The following IQSEC1 variants were observed in gnomAD, a reference collection of about 807,000 sequenced individuals.
The protein encoded by IQSEC1 is IQ motif and SEC7 domain-containing protein 1.
IQSEC1 carries 31 observed loss-of-function variants against 91.0 expected under a neutral mutation model. The ratio of observed to expected loss-of-function variants is 0.34; its 90% CI spans 0.26 to 0.46. IQSEC1 has a LOEUF of 0.46. Among genes scored for constraint, IQSEC1 ranks in the 20% least tolerant of loss-of-function variants. The pLI is 1.00. For synonymous variants in IQSEC1, 699 were observed against 662.6 expected (o/e 1.05, Z -0.84); for missense variants, 1,388 against 1,575.6 (o/e 0.88, Z 2.02).
At chr3:12,928,154 G>A (rs1397405626) in intron 3 of IQSEC1, among the ~76,000 whole-genome samples, 1 of 152,078 alleles carries the variant, frequency 6.6e-6, no homozygotes, top group Non-Finnish European at 1.5e-5. Flanking sequence ...TGCTGCAGCA[G>A]AGGTGGGAGG....
At chr3:13,049,843 A>T (rs570400567) in intron 1 of IQSEC1, among the ~76,000 whole-genome samples, 13 of 152,282 alleles carry the variant, frequency 8.5e-5, no homozygotes, top group African/African-American at 2.4e-4. Context: ...CACACCCTAC[A>T]TGCTGTGGTA....
chr3:12,943,987 A>G (rs575152678), intron 1 of IQSEC1, among the ~76,000 whole-genome samples: 3 of 152,278 alleles, frequency 2.0e-5, no homozygotes, highest in African/African-American at 7.2e-5. Flanking sequence ...GCCATGACAG[A>G]GGCGTCTTCC....
At chr3:12,963,003 C>T (rs1248836792) in intron 1 of IQSEC1, among the ~76,000 whole-genome samples, 2 of 152,202 alleles carry the variant, frequency 1.3e-5, no homozygotes, top group Non-Finnish European at 2.9e-5. Context: ...TATTTAATCC[C>T]AGAGGAAGCA....
chr3:12,967,045 C>A lies in IQSEC1; in HGVS notation c.24-25180G>T, dbSNP rs1319136765. Among the ~76,000 whole-genome samples the A allele has an allele frequency of 6.6e-6, 1 of 151,964 alleles. No homozygotes were observed. The highest frequency in any genetic ancestry group is 2.4e-5 in the African/African-American group (1 of 41,366). On this transcript the variant is annotated intron_variant, in intron 1 of 13. Coordinates refer to ENST00000613206, the MANE Select transcript of IQSEC1 (RefSeq NM_001134382.3). This position sits in a 1 kb window ranked among gnomAD's most constrained non-coding sequence, Gnocchi z 5.9. ...ACACCGAGTCCCACTGTTTCCCTCTCAAGCCCCCAAACTCAAACTCACCCC... is the reference window on the plus strand; with the variant it reads ...ACACCGAGTCCCACTGTTTCCCTCTAAAGCCCCCAAACTCAAACTCACCCC...
intron 13 of IQSEC1, among the ~76,000 whole-genome samples, chr3:12,902,321 G>A (rs769352899): frequency 6.6e-6 from 1 of 152,090 alleles, no homozygotes; most frequent in African/African-American, 2.4e-5. Context: ...AGAAGAAAGC[G>A]ATGAGGATGG....
chr3:13,012,531 T>C (rs1277716236), intron 1 of IQSEC1, among the ~76,000 whole-genome samples: 2 of 152,174 alleles, frequency 1.3e-5, no homozygotes, highest in African/African-American at 4.8e-5. Context: ...ACAGAAACGA[T>C]GTGTTGCTCA....
intron 2 of IQSEC1, among the ~76,000 whole-genome samples, chr3:13,136,778 C>T (rs150129627): frequency 6.6e-6 from 1 of 152,318 alleles, no homozygotes; most frequent in Non-Finnish European, 1.5e-5. Flanking sequence ...GGTTTGACTG[C>T]ATGTAGATCG....
chr3:13,098,355 A>G (rs1390496445), intron 2 of IQSEC1, among the ~76,000 whole-genome samples: 2 of 152,170 alleles, frequency 1.3e-5, no homozygotes, highest in African/African-American at 4.8e-5. Context: ...TAGCATTGGG[A>G]AGGTACCACA....
chr3:12,925,405 G>A (rs1237984460), intron 3 of IQSEC1, among the ~76,000 whole-genome samples: 10 of 152,242 alleles, frequency 6.6e-5, no homozygotes, highest in African/African-American at 2.4e-4. Flanking sequence ...GTGCTCAGGA[G>A]CCCAGACTCG....
At chr3:13,100,306 C>T (rs1238271242) in intron 2 of IQSEC1, among the ~76,000 whole-genome samples, 5 of 148,604 alleles carry the variant, frequency 3.4e-5, no homozygotes, top group African/African-American at 1.3e-4. Context: ...ACTCTTCCTA[C>T]ATCTAGGCCT....
chr3:12,995,715 C>T (rs1702200787), intron 1 of IQSEC1, among the ~76,000 whole-genome samples: 1 of 152,152 alleles, frequency 6.6e-6, no homozygotes, highest in African/African-American at 2.4e-5. Flanking sequence ...AAGGAACGGC[C>T]CAGCTCCTGG....
chr3:12,923,510 G>C (rs767570093), intron 4 of IQSEC1, among the ~76,000 whole-genome samples: 1 of 152,218 alleles, frequency 6.6e-6, no homozygotes, highest in Non-Finnish European at 1.5e-5. Context: ...TATTCTGCTG[G>C]TGCCTGCCAT....
chr3:13,027,618 G>A (rs1052638672), intron 1 of IQSEC1, among the ~76,000 whole-genome samples: 1 of 152,194 alleles, frequency 6.6e-6, no homozygotes, highest in Non-Finnish European at 1.5e-5. Flanking sequence ...GGAGGTGAGA[G>A]AGAAAAGAGG....
At chr3:13,167,207 C>T (rs1693513819) in intron 1 of IQSEC1, among the ~76,000 whole-genome samples, 2 of 152,152 alleles carry the variant, frequency 1.3e-5, no homozygotes, top group African/African-American at 4.8e-5. Context: ...AGGATGATCC[C>T]CGATGCTTTT....
chr3:13,275,157 C>G (rs755906779), intron 1 of IQSEC1, among the ~76,000 whole-genome samples: 9 of 152,194 alleles, frequency 5.9e-5, no homozygotes, highest in Non-Finnish European at 7.3e-5. Flanking sequence ...GTTAGAGCAT[C>G]AACAGAGACA....
intron 1 of IQSEC1, chr3:13,047,530 G>A (rs1704545981): frequency 4.1e-6 from 4 of 985,014 alleles, no homozygotes; most frequent in Non-Finnish European, 4.8e-6. Flanking sequence ...CTCCTGAGGT[G>A]GCAAAAGCGA....
chr3:13,134,239 G>A (rs559836400), intron 2 of IQSEC1, among the ~76,000 whole-genome samples: 2 of 152,348 alleles, frequency 1.3e-5, no homozygotes, highest in East Asian at 3.9e-4. Flanking sequence ...GATATGCAGG[G>A]GCTGCAGGGC....
rs376743629 is a variant in IQSEC1, at chr3:13,211,884, G to A, written c.273-47751C>T. Among the ~76,000 whole-genome samples the A allele has an allele frequency of 2.6e-5, 4 of 152,196 alleles. No individual in the cohort carries two copies. The highest frequency in any genetic ancestry group is 6.5e-5 in the Admixed American group (1 of 15,278). ...GGCACAGTCCCTCCACGCTGGTTTC[G>A]TGTCCACAGAACCTTTCCGTGGCCA... On this transcript the variant is annotated intron_variant, in intron 1 of 15. Coordinates refer to the IQSEC1 transcript ENST00000648114. The surrounding 1 kb of genome is among the most constrained non-coding windows in gnomAD (Gnocchi z 5.3).
chr3:13,260,711 G>A (rs1213793136), intron 1 of IQSEC1, among the ~76,000 whole-genome samples: 1 of 152,202 alleles, frequency 6.6e-6, no homozygotes, highest in Non-Finnish European at 1.5e-5. Flanking sequence ...AGACCACGAT[G>A]GCCAAGAAGC....
Sources: allele counts gnomAD v4.1 joint callset (sites outside exome capture counted in the v4.1 genomes callset), GRCh38; gene constraint gnomAD v4.1.1; non-coding constraint Gnocchi (gnomAD v3.1); transcripts MANE v1.5; gene names NCBI Gene and HGNC (gene_info 2026-07-23, HGNC 2026-07-21).